Variants in SCN2A observed in about 807,000 individuals in gnomAD.
The protein encoded by SCN2A is sodium channel protein type 2 subunit alpha.
A neutral mutation model predicts 188.7 loss-of-function variants in SCN2A; 20 were observed. That is an observed-to-expected ratio of 0.11 (90% CI 0.07 to 0.15). SCN2A has a LOEUF of 0.15. Ranked by LOEUF, SCN2A falls within the 10% of genes least tolerant of loss-of-function variation. SCN2A has a pLI of 1.00. For missense variants in SCN2A, 1,278 were observed against 2,445.0 expected (o/e 0.52, Z 10.07); for synonymous variants, 804 against 833.1 (o/e 0.97, Z 0.60).
At chr2:165,314,389 T>A (rs563364822) in intron 10 of SCN2A, among the ~76,000 whole-genome samples, 1 of 152,298 alleles carries the variant, frequency 6.6e-6, no homozygotes, top group South Asian at 2.1e-4. Context: ...AACAAAGGCC[T>A]CATGTACTCA....
At chr2:165,387,040 G>C in intron 26 of SCN2A, 24 bp downstream of exon 26, 1 of 1,608,938 alleles carries the variant, frequency 6.2e-7, no homozygotes, top group Non-Finnish European at 8.5e-7. Flanking sequence ...CTTTTATTCA[G>C]TTAAGGAATA....
At chr2:165,320,887 A>G (rs974499525) in intron 11 of SCN2A, among the ~76,000 whole-genome samples, 8 of 152,126 alleles carry the variant, frequency 5.3e-5, no homozygotes, top group South Asian at 2.1e-4. Flanking sequence ...CATTTTCTCC[A>G]TTGTCTTGGG....
chr2:165,311,400 G>A (rs528952537), intron 7 of SCN2A, among the ~76,000 whole-genome samples: 14 of 151,886 alleles, frequency 9.2e-5, no homozygotes, highest in Admixed American at 7.9e-4. Context: ...GCTCTCCATA[G>A]CTTAAAAATA....
intron 14 of SCN2A, among the ~76,000 whole-genome samples, chr2:165,339,735 C>T (rs1699206233): frequency 6.6e-6 from 1 of 152,040 alleles, no homozygotes; most frequent in East Asian, 1.9e-4. Flanking sequence ...TTAATTCTAC[C>T]CAAATGTATC....
At chr2:165,331,947 T>C (rs1443490984) in intron 14 of SCN2A, among the ~76,000 whole-genome samples, 1 of 152,092 alleles carries the variant, frequency 6.6e-6, no homozygotes, top group African/African-American at 2.4e-5. Flanking sequence ...TTTTGAAATA[T>C]CACTTGTAAG....
At chr2:165,350,611 T>C (rs1330603788) in intron 16 of SCN2A, among the ~76,000 whole-genome samples, 2 of 147,664 alleles carry the variant, frequency 1.4e-5, no homozygotes, top group East Asian at 4.0e-4. Context: ...TAGCTGAGAC[T>C]ACAGGCGCCC....
At chr2:165,327,747 A>T (rs1698438149) in intron 13 of SCN2A, 1 of 152,246 alleles carries the variant, frequency 6.6e-6, no homozygotes, top group African/African-American at 2.4e-5. Context: ...TTTGGCATGC[A>T]GAAGACAGTT....
intron 11 of SCN2A, among the ~76,000 whole-genome samples, chr2:165,318,213 AT>A (rs976903686): frequency 3.3e-5 from 5 of 152,172 alleles, no homozygotes; most frequent in Non-Finnish European, 5.9e-5. Flanking sequence ...TTACTGCAAG[AT>A]TATAATTTCT....
intron 1 of SCN2A, among the ~76,000 whole-genome samples, chr2:165,251,902 A>T (rs1180248593): frequency 6.6e-6 from 1 of 152,026 alleles, no homozygotes; most frequent in East Asian, 1.9e-4. Context: ...TTTTATCCTC[A>T]CAACGATCAT....
chr2:165,388,557 T>G, intron 26 of SCN2A, 72 bp from the exon 27 acceptor site: 1 of 1,598,602 alleles, frequency 6.3e-7, no homozygotes, highest in Middle Eastern at 1.7e-4. Flanking sequence ...GTAAAACTAA[T>G]GTACTTATGT....
At chr2:165,302,203 T>A (rs914240000) in intron 3 of SCN2A, among the ~76,000 whole-genome samples, 1 of 152,220 alleles carries the variant, frequency 6.6e-6, no homozygotes, top group African/African-American at 2.4e-5. Flanking sequence ...TCTTTTGTTT[T>A]CAATGCTCAT....
Position 165,389,817 on chromosome 2 carries a change from A to G in SCN2A, c.6011A>G (p.Lys2004Arg), listed in dbSNP as rs773596373. Residue 2004 changes from lysine (K) to arginine (R), a missense_variant, in exon 27 of 27, where the codon AAA becomes AGA. Transcript: ENST00000375437. The surrounding 1 kb of genome is among the most constrained non-coding windows in gnomAD (Gnocchi z 4.2). ...AAAGGGAAAGATATCAGGGAAAGTA[A>G]AAAGTAAAAAGAAACCAAGAATTTT... Reference protein sequence around the residue: ...EDKGKDIRESKK With the variant: ...EDKGKDIRESRK 1 of 1,606,524 alleles carries G rather than the reference A, an allele frequency of 6.2e-7. No individual in the cohort carries two copies. Among genetic ancestry groups the G allele is most frequent in the South Asian group, 1.1e-5 (1 of 90,198 alleles).
At chr2:165,328,404 G>A in intron 13 of SCN2A, 1 of 838,084 alleles carries the variant, frequency 1.2e-6, no homozygotes, top group Non-Finnish European at 1.4e-6. Flanking sequence ...GTCCCTCCAG[G>A]TAAATCTTTT....
intron 1 of SCN2A, among the ~76,000 whole-genome samples, chr2:165,285,042 TA>T (rs1695769575): frequency 6.6e-6 from 1 of 152,248 alleles, no homozygotes; most frequent in Non-Finnish European, 1.5e-5. Context: ...AAGTTAGATG[TA>T]AAGTGATTAT....
chr2:165,330,626 T>C (rs1440690478), intron 13 of SCN2A, among the ~76,000 whole-genome samples: 1 of 152,178 alleles, frequency 6.6e-6, no homozygotes, highest in Non-Finnish European at 1.5e-5. Context: ...GTATGAATTA[T>C]ATGTATGTTT....
At chr2:165,294,040 A>AATTTTT in intron 1 of SCN2A, 3 of 629,746 alleles carry the variant, frequency 4.8e-6, no homozygotes, top group Non-Finnish European at 5.6e-6. Context: ...AAAAAAAAAG[A>AATTTTT]TTTTTTTTTT....
intron 1 of SCN2A, among the ~76,000 whole-genome samples, chr2:165,293,129 A>C (rs1696309939): frequency 6.6e-6 from 1 of 152,220 alleles, no homozygotes; most frequent in Admixed American, 6.5e-5. Flanking sequence ...CATTGGATTT[A>C]AGATTATCTG....
chr2:165,329,190 G>A (rs563441780), intron 13 of SCN2A, among the ~76,000 whole-genome samples: 1 of 152,056 alleles, frequency 6.6e-6, no homozygotes, highest in East Asian at 1.9e-4. Context: ...GTTGTCCAGG[G>A]TAATGGATAG....
chr2:165,311,994 T>C, intron 7 of SCN2A, 31 bp from the exon 8 acceptor site: 1 of 1,539,098 alleles, frequency 6.5e-7, no homozygotes, highest in Non-Finnish European at 9.0e-7. Context: ...AGGATTTTAA[T>C]GATTCTTTCT....
Sources: allele counts gnomAD v4.1 joint callset (sites outside exome capture counted in the v4.1 genomes callset), GRCh38; gene constraint gnomAD v4.1.1; non-coding constraint Gnocchi (gnomAD v3.1); transcripts MANE v1.5; gene names NCBI Gene and HGNC (gene_info 2026-07-23, HGNC 2026-07-21).